Variants in PCDHA9 observed in about 807,000 individuals in gnomAD.
PCDHA9 encodes the protein protocadherin alpha 9, also known as protocadherin alpha-9.
A neutral mutation model predicts 62.0 loss-of-function variants in PCDHA9; 62 were observed. The observed-to-expected ratio is 1.00, with a 90% CI of 0.81 to 1.23. The LOEUF is 1.23. Among genes scored for constraint, PCDHA9 ranks in the 50% most tolerant of loss-of-function variants. PCDHA9 has a pLI of 0.00. For missense variants in PCDHA9, 1,205 were observed against 1,249.8 expected (o/e 0.96, Z 0.54); for synonymous variants, 557 against 567.6 (o/e 0.98, Z 0.27).
Position 141,010,819 on chromosome 5 carries a change from TG to T in PCDHA9, c.*883del, listed in dbSNP as rs2098418471. ...AAAACCCCGACACCTCACCTTTCGCTGTTTGTTGTTTCATAGATTTATTTAA... is the reference window on the plus strand; with the variant it reads ...AAAACCCCGACACCTCACCTTTCGCTTTTGTTGTTTCATAGATTTATTTAA... On this transcript the variant is annotated 3_prime_UTR_variant, in exon 4 of 4. Coordinates refer to ENST00000532602, the MANE Select transcript of PCDHA9 (RefSeq NM_031857.2). The T allele has an allele frequency of 6.5e-6, 1 of 153,784 alleles. No individual in the cohort carries two copies. The highest frequency in any genetic ancestry group is 2.1e-4 in the South Asian group (1 of 4,838). 9.5% of individuals were successfully genotyped at this position (153,784 alleles called of 1,614,324 possible).
intron 1 of PCDHA9, among the ~76,000 whole-genome samples, chr5:140,879,217 G>A (rs1163771659): frequency 6.6e-6 from 1 of 152,164 alleles, no homozygotes; most frequent in African/African-American, 2.4e-5. Context: ...GAAATGAATT[G>A]AAAAAGACAT....
intron 1 of PCDHA9, among the ~76,000 whole-genome samples, chr5:140,885,242 A>G (rs1481024816): frequency 6.6e-6 from 1 of 152,038 alleles, no homozygotes; most frequent in Non-Finnish European, 1.5e-5. Context: ...TCAATTTTTT[A>G]TTTGCATTCA....
intron 1 of PCDHA9, among the ~76,000 whole-genome samples, chr5:140,899,097 T>A (rs1160754058): frequency 2.0e-5 from 3 of 151,826 alleles, no homozygotes; most frequent in Non-Finnish European, 4.4e-5. Flanking sequence ...TGGGCTGAGA[T>A]AATGGGGTTT....
In PCDHA9 at chr5:140,884,535, C is replaced by A. The variant is rs142468733; in HGVS notation, c.2394+33646C>A. 15 of 1,614,034 alleles carry A rather than the reference C, an allele frequency of 9.3e-6. No individual in the cohort carries two copies. The South Asian group carries it at 1.5e-4, about 17-fold the overall frequency. ...TGGTCGTACTCGCAGCAGAGGCGGCCGAGGGTGTGCTCTGGGGAGGGCCCG... is the reference window on the plus strand; with the variant it reads ...TGGTCGTACTCGCAGCAGAGGCGGCAGAGGGTGTGCTCTGGGGAGGGCCCG... On this transcript the variant is annotated intron_variant, in intron 1 of 3. Transcript: ENST00000532602.
chr5:140,917,417 C>G (rs1163543772), intron 1 of PCDHA9, among the ~76,000 whole-genome samples: 2 of 152,082 alleles, frequency 1.3e-5, no homozygotes, highest in African/African-American at 2.4e-5. Flanking sequence ...TAATTAGGCC[C>G]CATTTGCCAA....
At chr5:140,943,630 T>C (rs1224015760) in intron 1 of PCDHA9, among the ~76,000 whole-genome samples, 1 of 152,130 alleles carries the variant, frequency 6.6e-6, no homozygotes, top group Non-Finnish European at 1.5e-5. Flanking sequence ...ATAAGGAAGC[T>C]GGATTATGGA....
chr5:140,864,600 C>G (rs1159658217), intron 1 of PCDHA9: 3 of 152,164 alleles, frequency 2.0e-5, no homozygotes, highest in African/African-American at 7.2e-5. Flanking sequence ...TTCAGATAGC[C>G]AACAACTTTG....
chr5:140,861,631 C>G (rs960525062), intron 1 of PCDHA9: 2 of 314,942 alleles, frequency 6.4e-6, no homozygotes, highest in Admixed American at 7.0e-5. Flanking sequence ...GTGTTCTCAG[C>G]AACACAAAAG....
chr5:140,907,139 T>C (rs2073191409), intron 1 of PCDHA9, among the ~76,000 whole-genome samples: 1 of 152,148 alleles, frequency 6.6e-6, no homozygotes, highest in African/African-American at 2.4e-5. Context: ...GAATTCCGGC[T>C]ATGGGAGAAA....
intron 1 of PCDHA9, among the ~76,000 whole-genome samples, chr5:140,926,017 G>C (rs1222079500): frequency 2.0e-5 from 3 of 152,050 alleles, no homozygotes; most frequent in African/African-American, 7.2e-5. Context: ...GCCAGAGTCC[G>C]GAGGCAGTTT....
Position 140,858,425 on chromosome 5 carries a change from C to A in PCDHA9, c.2394+7536C>A, listed in dbSNP as rs373682195. Reference sequence around the variant, plus strand: ...GGAAGATCAGTCTATTGGAGGGGACCACTCTAGGAAGGTGGGTTATTACGT... The same window carrying A: ...GGAAGATCAGTCTATTGGAGGGGACAACTCTAGGAAGGTGGGTTATTACGT... On this transcript the variant is annotated intron_variant, in intron 1 of 3. Coordinates refer to ENST00000532602, the MANE Select transcript of PCDHA9 (RefSeq NM_031857.2). The A allele has an allele frequency of 1.2e-5, 18 of 1,552,696 alleles. 1 individual carries two copies. In the African/African-American group the frequency reaches 2.3e-4, roughly 20 times the overall value.
intron 1 of PCDHA9, among the ~76,000 whole-genome samples, chr5:140,972,811 G>A (rs1458279738): frequency 2.6e-5 from 4 of 151,876 alleles, no homozygotes; most frequent in African/African-American, 4.8e-5. Flanking sequence ...TTACAGGCAC[G>A]CGCCACCACG....
At chr5:140,884,833 C>A in intron 1 of PCDHA9, 2 of 916,632 alleles carry the variant, frequency 2.2e-6, no homozygotes, top group Non-Finnish European at 3.1e-6. Context: ...GTTGGATTAT[C>A]CTTCAGAGTG....
intron 1 of PCDHA9, chr5:140,859,549 C>A (rs958434264): frequency 5.0e-5 from 9 of 181,676 alleles, no homozygotes; most frequent in Non-Finnish European, 9.0e-5. Context: ...CTAGTGTTAC[C>A]AAACACCAAT....
At chr5:140,997,504 C>T (rs2097772452) in intron 3 of PCDHA9, among the ~76,000 whole-genome samples, 1 of 152,042 alleles carries the variant, frequency 6.6e-6, no homozygotes, top group South Asian at 2.1e-4. Flanking sequence ...TCTCAACATA[C>T]CTAAACGCAG....
chr5:140,871,688 G>C lies in PCDHA9; in HGVS notation c.2394+20799G>C, dbSNP rs868933304. On this transcript the variant is annotated intron_variant, in intron 1 of 3. Coordinates refer to ENST00000532602, the MANE Select transcript of PCDHA9 (RefSeq NM_031857.2). ...GTCTTTTAATCATATGAATAATCTG[G>C]CTTCTTTAACCAATAAATGTCCTAT... 1.9e-5 allele frequency: 20 copies of C among 1,060,782 alleles called. No homozygotes were observed. In the African/African-American group the frequency reaches 2.1e-4, roughly 11 times the overall value. The allele number at this position is 1,060,782 out of a possible 1,614,324, so 65.7% of individuals were successfully genotyped here. A position where few individuals can be genotyped will look rare whatever the true frequency, so the allele number is the denominator to read the frequency against.
At chr5:140,989,565 G>A (rs782538666) in intron 3 of PCDHA9, among the ~76,000 whole-genome samples, 12 of 152,134 alleles carry the variant, frequency 7.9e-5, no homozygotes, top group South Asian at 4.1e-4. Context: ...TTGTGGCTCC[G>A]GCAAGCCCTG....
At chr5:140,993,227 C>T (rs1464075096) in intron 3 of PCDHA9, among the ~76,000 whole-genome samples, 1 of 152,084 alleles carries the variant, frequency 6.6e-6, no homozygotes, top group African/African-American at 2.4e-5. Context: ...TTGGTATGTT[C>T]TCTCTGAATC....
intron 1 of PCDHA9, among the ~76,000 whole-genome samples, chr5:140,899,497 T>G (rs2067365308): frequency 6.6e-6 from 1 of 152,254 alleles, no homozygotes; most frequent in South Asian, 2.1e-4. Context: ...TTACATTTAT[T>G]GATTTGCATA....
Sources: gnomAD v4.1 joint callset for allele counts (sites outside exome capture counted in the v4.1 genomes callset) on GRCh38, gnomAD v4.1.1 for gene constraint, MANE v1.5 for transcripts, NCBI Gene and HGNC (gene_info 2026-07-23, HGNC 2026-07-21) for gene names.